FERRY3: variants seen among roughly 807,000 people sequenced by gnomAD.
FERRY3 encodes protein C12orf4.
chr12:4,497,600 A>G, the FERRY3 span, among the ~76,000 whole-genome samples: 4 of 152,248 alleles, frequency 2.6e-5, no homozygotes, highest in Non-Finnish European at 5.9e-5. Flanking sequence ...TCAACAAGTT[A>G]ACAGCAAAAA....
the FERRY3 span, chr12:4,536,079 T>C: frequency 2.5e-6 from 4 of 1,609,366 alleles, no homozygotes; most frequent in Non-Finnish European, 8.5e-7. Context: ...ATGACTGGCA[T>C]TCTCTTGAAC....
At chr12:4,490,611 T>G in the FERRY3 span, 7 of 1,596,488 alleles carry the variant, frequency 4.4e-6, no homozygotes, top group Non-Finnish European at 6.0e-6. Flanking sequence ...AAACAGATGT[T>G]GCTGCATGAC....
At chr12:4,529,784 G>A in the FERRY3 span, 1 of 1,160,854 alleles carries the variant, frequency 8.6e-7, no homozygotes, top group South Asian at 1.7e-5. Context: ...TATCCTTTTT[G>A]TAAAAAATAA....
At chr12:4,521,387 AAAAAG>A in the FERRY3 span, among the ~76,000 whole-genome samples, 1 of 152,268 alleles carries the variant, frequency 6.6e-6, no homozygotes, top group Admixed American at 6.5e-5. Context: ...GAGGAGAAGA[AAAAAG>A]AAGAGACAAC....
At chr12:4,493,891 G>A in the FERRY3 span, among the ~76,000 whole-genome samples, 5 of 152,176 alleles carry the variant, frequency 3.3e-5, no homozygotes, top group South Asian at 1.0e-3. Flanking sequence ...TCAGAAGTTC[G>A]AGACCAGCCT....
the FERRY3 span, chr12:4,491,084 G>A: frequency 9.2e-7 from 1 of 1,086,392 alleles, no homozygotes; most frequent in Non-Finnish European, 1.4e-6. Flanking sequence ...AGATTACAGG[G>A]GTATCTTTCA....
the FERRY3 span, chr12:4,491,312 G>T: frequency 7.8e-7 from 1 of 1,288,198 alleles, no homozygotes; most frequent in South Asian, 1.2e-5. Flanking sequence ...TTTATCTATA[G>T]TGTTGACTAT....
At chr12:4,489,710 C>G in the FERRY3 span, 1 of 878,538 alleles carries the variant, frequency 1.1e-6, no homozygotes, top group Non-Finnish European at 1.8e-6. Flanking sequence ...TGCAAGTTCT[C>G]TTTCTGGGCA....
the FERRY3 span, among the ~76,000 whole-genome samples, chr12:4,532,927 T>C: frequency 2.0e-5 from 3 of 152,138 alleles, no homozygotes; most frequent in African/African-American, 7.2e-5. Flanking sequence ...AGCAGAAAAA[T>C]CACAAAACTC....
the FERRY3 span, chr12:4,517,969 T>C: frequency 8.2e-7 from 1 of 1,212,634 alleles, no homozygotes; most frequent in Non-Finnish European, 1.2e-6. Flanking sequence ...ATTAAAATTT[T>C]TTTTCATTTT....
At chr12:4,535,744 A>C in the FERRY3 span, among the ~76,000 whole-genome samples, 98 of 152,332 alleles carry the variant, frequency 6.4e-4, no homozygotes, top group Admixed American at 7.2e-4. The surrounding 1 kb of genome is among the most constrained non-coding windows in gnomAD (Gnocchi z 4.0). Context: ...ACTTCACCCA[A>C]CTAAATTCAG....
the FERRY3 span, among the ~76,000 whole-genome samples, chr12:4,516,359 A>C: frequency 2.0e-5 from 3 of 152,188 alleles, no homozygotes; most frequent in African/African-American, 7.2e-5. Context: ...GCTTCTGAAG[A>C]TCTGGGTATA....
chr12:4,517,794 T>C, the FERRY3 span, among the ~76,000 whole-genome samples: 1 of 151,040 alleles, frequency 6.6e-6, no homozygotes, highest in Non-Finnish European at 1.5e-5. Flanking sequence ...ACTGAAAACA[T>C]GTGATTGCTC....
At chr12:4,491,977 G>C in the FERRY3 span, among the ~76,000 whole-genome samples, 1 of 152,168 alleles carries the variant, frequency 6.6e-6, no homozygotes, top group Non-Finnish European at 1.5e-5. Flanking sequence ...CTACTTGAGA[G>C]GTTGAAGCAG....
the FERRY3 span, among the ~76,000 whole-genome samples, chr12:4,507,838 A>G: frequency 1.1e-4 from 17 of 152,208 alleles, no homozygotes; most frequent in African/African-American, 4.1e-4. Context: ...GTAAAAAAGG[A>G]AAATAAGTAC....
the FERRY3 span, among the ~76,000 whole-genome samples, chr12:4,505,870 C>T: frequency 1.7e-3 from 252 of 152,214 alleles, 1 homozygote; most frequent in African/African-American, 5.8e-3. Context: ...TTCAGGGCTA[C>T]AAATAAATGG....
chr12:4,500,361 CATG>C, the FERRY3 span: 2 of 1,597,316 alleles, frequency 1.3e-6, no homozygotes, highest in East Asian at 2.2e-5. Flanking sequence ...TAAATACAAT[CATG>C]ATTACCAAAT....
chr12:4,493,760 T>C, the FERRY3 span, among the ~76,000 whole-genome samples: 1 of 152,000 alleles, frequency 6.6e-6, no homozygotes, highest in African/African-American at 2.4e-5. Flanking sequence ...TTCCTCCTAG[T>C]GAAAAGATGA....
chr12:4,507,118 A>G, the FERRY3 span, among the ~76,000 whole-genome samples: 1 of 152,132 alleles, frequency 6.6e-6, no homozygotes, highest in Non-Finnish European at 1.5e-5. Context: ...TCATAAATAT[A>G]CTTAGAATCC....
Sources: allele counts gnomAD v4.1 joint callset (sites outside exome capture counted in the v4.1 genomes callset), GRCh38; gene constraint gnomAD v4.1.1; non-coding constraint Gnocchi (gnomAD v3.1); transcripts MANE v1.5; gene names NCBI Gene and HGNC (gene_info 2026-07-23, HGNC 2026-07-21).